Variants in KIF24 observed in about 807,000 individuals in gnomAD.
KIF24 encodes the protein kinesin-like protein KIF24.
Under a neutral mutation model 118.9 loss-of-function variants are expected in KIF24, and 81 were observed. That is an observed-to-expected ratio of 0.68 (90% confidence interval 0.57 to 0.82). The LOEUF (loss-of-function observed/expected upper bound fraction) is 0.82, where lower values mean the gene tolerates loss of function less well. KIF24 is among the 40% of genes least tolerant of loss of function. KIF24 has a pLI of 0.00. For synonymous variants in KIF24, 599 were observed against 610.0 expected (o/e 0.98, Z 0.27); for missense variants, 1,560 against 1,661.6 (o/e 0.94, Z 1.06).
At chr9:34,281,843 T>C (rs1835860950) in intron 6 of KIF24, among the ~76,000 whole-genome samples, 1 of 152,178 alleles carries the variant, frequency 6.6e-6, no homozygotes, top group African/African-American at 2.4e-5. Flanking sequence ...CTCTCCCTTT[T>C]ACTCTAGCCA....
chr9:34,284,022 C>G (rs1026088144), intron 6 of KIF24, among the ~76,000 whole-genome samples: 1 of 152,124 alleles, frequency 6.6e-6, no homozygotes, highest in African/African-American at 2.4e-5. Context: ...CATCCTAACA[C>G]TTTGGGAGGC....
In KIF24 at chr9:34,260,855, C is replaced by T. The variant is rs528159708; in HGVS notation, c.1516-1150G>A. 5.9e-5 allele frequency among the ~76,000 whole-genome samples: 9 copies of T among 152,220 alleles called. No homozygotes were observed. The South Asian group carries it at 1.7e-3, about 28-fold the overall frequency. ...GCATGGTGGCACACACCTGTAGTCC[C>T]AGATACTCCAGGGGCTTGTGGCAGG... On this transcript the variant is annotated intron_variant, in intron 9 of 12. Coordinates refer to ENST00000402558, the MANE Select transcript of KIF24 (RefSeq NM_194313.4).
rs1218892332 is a variant in KIF24, at chr9:34,257,380, C to G, written c.2227G>C (p.Ala743Pro). Residue 743 changes from alanine to proline, a missense_variant, in exon 11 of 13, where the codon GCT becomes CCT. Ala to Pro is a conservative substitution (Grantham distance 27). Coordinates refer to ENST00000402558, the MANE Select transcript of KIF24 (RefSeq NM_194313.4). The stretch of plus-strand genomic sequence containing the variant: ...GTCCAAGCTTCAGAGGCAGGCCTAG[C>G]AGGCGTGCCCCTCTGGCTGTCTTGA... ...YSQDSQRGTP[A>P]RPASEAWTNI... is the part of the protein sequence containing the mutation. 2 of 1,614,044 alleles carry G rather than the reference C, an allele frequency of 1.2e-6. No individual in the cohort carries two copies. The highest frequency in any genetic ancestry group is 1.7e-5 in the Admixed American group (1 of 60,032).
intron 1 of KIF24, among the ~76,000 whole-genome samples, chr9:34,311,687 T>TAC (rs533766966): frequency 4.8e-5 from 7 of 145,172 alleles, no homozygotes; most frequent in African/African-American, 1.7e-4. Context: ...TGTATATATA[T>TAC]ACGTATATAT....
At chr9:34,280,220 C>T (rs1835798770) in intron 6 of KIF24, among the ~76,000 whole-genome samples, 1 of 133,840 alleles carries the variant, frequency 7.5e-6, no homozygotes, top group South Asian at 2.4e-4. Flanking sequence ...GGAGGCGGAG[C>T]TTGCAGTGAG....
chr9:34,260,727 T>C (rs1051553504), intron 9 of KIF24, among the ~76,000 whole-genome samples: 4 of 152,146 alleles, frequency 2.6e-5, no homozygotes, highest in Non-Finnish European at 5.9e-5. Context: ...TCCTAGCACT[T>C]TGGGAGGCCA....
rs1382634213 is a variant in KIF24, at chr9:34,286,614, T to C, written c.1215+3A>G. Reference sequence around the variant, plus strand: ...GGGTAATAAAGAAGGAAGAATTAATTACCTCTAAGAGGAGCTCCACACTGT... The same window carrying C: ...GGGTAATAAAGAAGGAAGAATTAATCACCTCTAAGAGGAGCTCCACACTGT... On this transcript the variant is annotated splice_donor_region_variant and intron_variant, in intron 6 of 12. Transcript: ENST00000402558. The C allele has an allele frequency of 6.3e-7, 1 of 1,599,102 alleles. No individual in the cohort carries two copies. Among genetic ancestry groups the C allele is most frequent in the Non-Finnish European group, 8.6e-7 (1 of 1,166,350 alleles).
At chr9:34,304,987 A>G (rs1195576758) in intron 3 of KIF24, among the ~76,000 whole-genome samples, 2 of 152,218 alleles carry the variant, frequency 1.3e-5, no homozygotes, top group African/African-American at 4.8e-5. Flanking sequence ...AGGGAAGTAG[A>G]TTCAGAGTAA....
In KIF24 at chr9:34,257,159, A is replaced by C. The variant is rs781398314; in HGVS notation, c.2448T>G (p.Asp816Glu). The C allele has an allele frequency of 9.9e-6, 16 of 1,613,900 alleles. No individual in the cohort carries two copies. In the East Asian group the frequency reaches 3.1e-4, roughly 31 times the overall value. Residue 816 changes from aspartate to glutamate, a missense_variant, in exon 11 of 13, where the codon GAT becomes GAG. Physicochemically the swap from Asp to Glu is conservative, Grantham distance 45. Around this residue, in one of 3 missense-constraint regions of KIF24, gnomAD observed 964 missense variants for 988.0 expected, o/e 0.98. Transcript: ENST00000402558. Reference sequence around the variant, plus strand: ...CATCAAGTTCCTCTACTTGGGCTCCATCATGGTTTTCAGAGTAAGAGTGGA... The same window carrying C: ...CATCAAGTTCCTCTACTTGGGCTCCCTCATGGTTTTCAGAGTAAGAGTGGA... ...PLFHSYSENH[D>E]GAQVEELDDS...
Position 34,253,073 on chromosome 9 carries a change from A to T in KIF24, c.*1307T>A, listed in dbSNP as rs1006362895. On this transcript the variant is annotated 3_prime_UTR_variant, in exon 13 of 13. Coordinates refer to ENST00000402558, the MANE Select transcript of KIF24 (RefSeq NM_194313.4). ...TGAGGGAGGGGCCGCAGTGCCCTGC[A>T]GCCGGGAAGCACCAATAAGGATGCC... 1 of 153,014 alleles carries T rather than the reference A, an allele frequency of 6.5e-6. No homozygotes were observed. The highest frequency in any genetic ancestry group is 2.4e-5 in the African/African-American group (1 of 41,494). The allele number at this position is 153,014 out of a possible 1,614,324, so 9.5% of individuals were successfully genotyped here.
intron 3 of KIF24, among the ~76,000 whole-genome samples, chr9:34,303,243 C>T (rs1001771434): frequency 2.0e-5 from 3 of 152,006 alleles, no homozygotes; most frequent in Non-Finnish European, 2.9e-5. Context: ...ATTGGTTGTA[C>T]AGGCAAGCAG....
At chr9:34,310,529 A>G (rs185312539) in intron 2 of KIF24, among the ~76,000 whole-genome samples, 195 bp downstream of exon 2, 4 of 152,328 alleles carry the variant, frequency 2.6e-5, no homozygotes, top group African/African-American at 9.6e-5. Flanking sequence ...TCTCCCACCT[A>G]GAAAGTCCCA....
intron 8 of KIF24, among the ~76,000 whole-genome samples, chr9:34,266,092 T>G (rs1835276526): frequency 6.6e-6 from 1 of 152,066 alleles, no homozygotes; most frequent in South Asian, 2.1e-4. Context: ...AGGGTCTCAT[T>G]ATGTTGCTCA....
intron 11 of KIF24, 43 bp downstream of exon 11, chr9:34,255,692 G>T: frequency 6.6e-7 from 1 of 1,507,764 alleles, no homozygotes; most frequent in Non-Finnish European, 9.0e-7. Flanking sequence ...GTGGAGGGTG[G>T]GTGCCAAAGG....
At chr9:34,269,174 AT>A in intron 8 of KIF24, 82 bp downstream of exon 8, 1 of 755,200 alleles carries the variant, frequency 1.3e-6, no homozygotes, top group South Asian at 1.8e-5. Flanking sequence ...TGCTGATTCC[AT>A]CCCACATTCA....
chr9:34,294,937 A>G (rs1836405394), intron 4 of KIF24, among the ~76,000 whole-genome samples: 1 of 152,102 alleles, frequency 6.6e-6, no homozygotes. Context: ...TTTGTTACTC[A>G]CGTATATAAA....
At chr9:34,330,079 G>A (rs946557156), upstream of KIF24, among the ~76,000 whole-genome samples, 3 of 152,214 alleles carry the variant, frequency 2.0e-5, no homozygotes, top group African/African-American at 7.2e-5. Flanking sequence ...GAGCCCCACC[G>A]CCTTAAACAA....
intron 4 of KIF24, among the ~76,000 whole-genome samples, chr9:34,294,742 G>T (rs528391506): frequency 6.6e-6 from 1 of 152,262 alleles, no homozygotes; most frequent in African/African-American, 2.4e-5. Context: ...CAAACATTAT[G>T]TTAAGCATAT....
rs1455724259 is a variant in KIF24 at position 34,252,825 on chromosome 9, AAGCCCTTTTACTGTGAGC to A, written c.*1537_*1554del. On this transcript the variant is annotated 3_prime_UTR_variant, in exon 13 of 13. Coordinates refer to ENST00000402558, the MANE Select transcript of KIF24 (RefSeq NM_194313.4). Reference sequence around the variant, plus strand: ...GGGGATCACCCAGTAAAAGAGGAAGAAGCCCTTTTACTGTGAGCAGCAGGCATTTATGCATCATTTGCC... The same window carrying A: ...GGGGATCACCCAGTAAAAGAGGAAGAAGCAGGCATTTATGCATCATTTGCC... The A allele has an allele frequency of 6.6e-6, 1 of 152,248 alleles. No individual in the cohort carries two copies. The highest frequency in any genetic ancestry group is 1.9e-4 in the East Asian group (1 of 5,156). 9.4% of individuals were successfully genotyped at this position (152,248 alleles called of 1,614,324 possible).
Sources: allele counts gnomAD v4.1 joint callset (sites outside exome capture counted in the v4.1 genomes callset), GRCh38; gene constraint gnomAD v4.1.1; regional missense constraint gnomAD v4.1.1; transcripts MANE v1.5; gene names NCBI Gene and HGNC (gene_info 2026-07-23, HGNC 2026-07-21).